Variants in MAPK10 observed in about 807,000 individuals in gnomAD.
MAPK10 encodes JNK3 alpha protein kinase.
MAPK10 carries 25 observed loss-of-function variants against 59.3 expected under a neutral mutation model. That is an observed-to-expected ratio of 0.42 (90% CI 0.31 to 0.59). The LOEUF is 0.59. Among genes scored for constraint, MAPK10 ranks in the 20% least tolerant of loss-of-function variants. The probability of loss-of-function intolerance (pLI) is 0.15; values close to 1 mark genes in which losing one functional copy is unlikely to be tolerated. For synonymous variants in MAPK10, 190 were observed against 200.5 expected (o/e 0.95, Z 0.44); for missense variants, 351 against 568.9 (o/e 0.62, Z 3.90).
At chr4:86,231,410 C>T (rs1436514394) in intron 2 of MAPK10, among the ~76,000 whole-genome samples, 2 of 151,992 alleles carry the variant, frequency 1.3e-5, no homozygotes, top group Non-Finnish European at 2.9e-5. Context: ...AATCCCAGCA[C>T]TTTGGGAGGT....
At chr4:86,568,446 A>T (rs1761217447) in intron 1 of MAPK10, among the ~76,000 whole-genome samples, 1 of 152,162 alleles carries the variant, frequency 6.6e-6, no homozygotes, top group Admixed American at 6.6e-5. Context: ...CCTAAAATTC[A>T]TATGGAACCA....
intron 1 of MAPK10, among the ~76,000 whole-genome samples, chr4:86,426,765 G>C (rs1695381615): frequency 6.6e-6 from 1 of 152,094 alleles, no homozygotes; most frequent in African/African-American, 2.4e-5. Context: ...AGTTTAGCCT[G>C]AATTTGCCCA....
chr4:86,131,467 G>C (rs1485677384), intron 4 of MAPK10, among the ~76,000 whole-genome samples: 1 of 152,106 alleles, frequency 6.6e-6, no homozygotes, highest in Non-Finnish European at 1.5e-5. Context: ...GACCTACTTA[G>C]CTAGGGATTT....
chr4:86,075,245 C>G (rs2049033406), intron 9 of MAPK10, among the ~76,000 whole-genome samples: 3 of 152,138 alleles, frequency 2.0e-5, no homozygotes, highest in Admixed American at 2.0e-4. Flanking sequence ...TCAGCTCCAT[C>G]AGCTCCTTTA....
chr4:86,164,079 G>A (rs973184341), intron 3 of MAPK10, among the ~76,000 whole-genome samples: 2 of 152,062 alleles, frequency 1.3e-5, no homozygotes, highest in East Asian at 3.9e-4. Flanking sequence ...GAAACATTGA[G>A]GTTTAAGAAT....
rs201977479 is a variant in MAPK10, at chr4:86,107,265, C to T, written c.324G>A (p.Ala108=). The change falls in exon 5 of 14, where the codon GCG becomes GCA. Residue 108 remains alanine (A), a synonymous_variant. Transcript: ENST00000641462. ...PFQNQTHAKR[A]YRELVLMKCV... is the part of the protein sequence containing the mutation. Reference sequence around the variant, plus strand: ...ACTTCATGAGGACCAGCTCCCGGTACGCTCTCTTGGCATGTGTTTGGTTCT... The same window carrying T: ...ACTTCATGAGGACCAGCTCCCGGTATGCTCTCTTGGCATGTGTTTGGTTCT... 1.1e-4 allele frequency: 183 copies of T among 1,613,116 alleles called. No individual in the cohort carries two copies. Among genetic ancestry groups the T allele is most frequent in the Non-Finnish European group, 1.5e-4 (175 of 1,179,458 alleles).
intron 1 of MAPK10, among the ~76,000 whole-genome samples, chr4:86,430,886 C>T (rs532416818): frequency 6.6e-6 from 1 of 152,128 alleles, no homozygotes; most frequent in East Asian, 1.9e-4. Context: ...AACGGAAAAA[C>T]CATTGAAATA....
At chr4:86,140,787 A>T (rs1389467784) in intron 4 of MAPK10, among the ~76,000 whole-genome samples, 2 of 152,200 alleles carry the variant, frequency 1.3e-5, no homozygotes, top group Non-Finnish European at 2.9e-5. Context: ...ACAAATACAC[A>T]CACACACACG....
At chr4:86,212,485 C>T (rs2086124300) in intron 2 of MAPK10, among the ~76,000 whole-genome samples, 1 of 152,030 alleles carries the variant, frequency 6.6e-6, no homozygotes, top group Non-Finnish European at 1.5e-5. Flanking sequence ...TACACCACTG[C>T]ACTCCAGCCT....
intron 13 of MAPK10, chr4:86,024,571 C>T (rs1048068011): frequency 3.3e-5 from 5 of 152,194 alleles, no homozygotes; most frequent in African/African-American, 1.2e-4. Flanking sequence ...TTCATTTCTC[C>T]TGTCTTCCAC....
In MAPK10 at chr4:86,122,173, C is replaced by A. The variant is rs544310336; in HGVS notation, c.237-14821G>T. Among the ~76,000 whole-genome samples the A allele has an allele frequency of 2.6e-5, 4 of 152,116 alleles. No individual in the cohort carries two copies. In the East Asian group the frequency reaches 7.7e-4, roughly 29 times the overall value. On this transcript the variant is annotated intron_variant, in intron 4 of 13. Coordinates refer to ENST00000641462, the MANE Select transcript of MAPK10 (RefSeq NM_138982.4). ...ACTGTAAGGTGGATGCCTAAAATTG[C>A]CCCTGTTTGCAGAGAGGAATGAGCA...
At chr4:86,524,986 A>G (rs1757369830) in intron 1 of MAPK10, among the ~76,000 whole-genome samples, 2 of 152,038 alleles carry the variant, frequency 1.3e-5, no homozygotes, top group Non-Finnish European at 1.5e-5. Flanking sequence ...CAAGCTGAAT[A>G]ATTATCATTG....
chr4:86,122,231 G>T (rs1310837518), intron 4 of MAPK10, among the ~76,000 whole-genome samples: 1 of 152,108 alleles, frequency 6.6e-6, no homozygotes, highest in Non-Finnish European at 1.5e-5. Context: ...AGACTTTCTG[G>T]TGAAGTTTCC....
intron 2 of MAPK10, among the ~76,000 whole-genome samples, chr4:86,267,196 T>C (rs1004183276): frequency 1.3e-5 from 2 of 152,244 alleles, no homozygotes; most frequent in Admixed American, 1.3e-4. Context: ...TATTTTAGCA[T>C]AGATTTCCCA....
intron 2 of MAPK10, among the ~76,000 whole-genome samples, chr4:86,329,173 T>C (rs1374580162): frequency 6.6e-6 from 1 of 152,160 alleles, no homozygotes; most frequent in Non-Finnish European, 1.5e-5. Flanking sequence ...AAAAATAAAC[T>C]TCTGTGCTTT....
chr4:86,351,526 G>C (rs1440121032), intron 2 of MAPK10, among the ~76,000 whole-genome samples: 1 of 151,748 alleles, frequency 6.6e-6, no homozygotes, highest in Non-Finnish European at 1.5e-5. Context: ...TCATTACCAA[G>C]TCCAGTTGTT....
intron 2 of MAPK10, among the ~76,000 whole-genome samples, chr4:86,316,802 C>T (rs1309559870): frequency 1.3e-5 from 2 of 152,104 alleles, no homozygotes; most frequent in Non-Finnish European, 2.9e-5. Flanking sequence ...AGCTGAATCC[C>T]GGCAACCTAC....
At chr4:86,512,655 T>C (rs950259710) in intron 1 of MAPK10, among the ~76,000 whole-genome samples, 1 of 152,208 alleles carries the variant, frequency 6.6e-6, no homozygotes, top group African/African-American at 2.4e-5. Flanking sequence ...GCTATCTACC[T>C]ACAGACTAGA....
At chr4:86,451,459 T>C (rs1750710510) in intron 1 of MAPK10, among the ~76,000 whole-genome samples, 1 of 152,236 alleles carries the variant, frequency 6.6e-6, no homozygotes, top group South Asian at 2.1e-4. Context: ...ACATATTATA[T>C]GCAAAGCATT....
Sources: gnomAD v4.1 joint callset for allele counts (sites outside exome capture counted in the v4.1 genomes callset) on GRCh38, gnomAD v4.1.1 for gene constraint, MANE v1.5 for transcripts, NCBI Gene and HGNC (gene_info 2026-07-23, HGNC 2026-07-21) for gene names.